The following SLC22A23 variants were observed in gnomAD, a reference collection of about 807,000 sequenced individuals.
SLC22A23 encodes the protein ion transporter protein.
Under a neutral mutation model 61.0 loss-of-function variants are expected in SLC22A23, and 26 were observed. The observed-to-expected ratio is 0.43, with a 90% CI of 0.31 to 0.59. The LOEUF (loss-of-function observed/expected upper bound fraction) is 0.59, where lower values mean the gene tolerates loss of function less well. Among genes scored for constraint, SLC22A23 ranks in the 20% least tolerant of loss-of-function variants. The probability of loss-of-function intolerance (pLI) is 0.11; values close to 1 mark genes in which losing one functional copy is unlikely to be tolerated. For missense variants in SLC22A23, 796 were observed against 934.7 expected (o/e 0.85, Z 1.94); for synonymous variants, 430 against 413.9 (o/e 1.04, Z -0.47).
intron 1 of SLC22A23, among the ~76,000 whole-genome samples, chr6:3,424,830 T>A (rs73720888): frequency 3.2e-3 from 482 of 152,362 alleles, no homozygotes; most frequent in African/African-American, 0.011. Flanking sequence ...AGAGCCCACA[T>A]GGCCTGCAAA....
chr6:3,441,283 C>T (rs1771577096), intron 1 of SLC22A23, among the ~76,000 whole-genome samples: 1 of 152,142 alleles, frequency 6.6e-6, no homozygotes, highest in Non-Finnish European at 1.5e-5. Flanking sequence ...GAGCCCTTCT[C>T]TCCTGGATCT....
chr6:3,451,241 G>A (rs1011988712), intron 1 of SLC22A23, among the ~76,000 whole-genome samples: 14 of 152,214 alleles, frequency 9.2e-5, no homozygotes, highest in South Asian at 6.2e-4. Flanking sequence ...TCTGTCGCCC[G>A]GACTGGAGTG....
At chr6:3,453,132 G>A (rs1218567996) in intron 1 of SLC22A23, among the ~76,000 whole-genome samples, 1 of 152,178 alleles carries the variant, frequency 6.6e-6, no homozygotes, top group African/African-American at 2.4e-5. Context: ...AGACACACAT[G>A]CCAACCAGAG....
intron 3 of SLC22A23, among the ~76,000 whole-genome samples, chr6:3,373,058 T>C (rs1766329485): frequency 6.6e-6 from 1 of 152,230 alleles, no homozygotes; most frequent in Non-Finnish European, 1.5e-5. Flanking sequence ...GGGTTAACAC[T>C]GTCCCCTAAC....
intron 9 of SLC22A23, among the ~76,000 whole-genome samples, chr6:3,275,527 C>T (rs1389204417): frequency 6.6e-6 from 1 of 152,132 alleles, no homozygotes; most frequent in Non-Finnish European, 1.5e-5. Flanking sequence ...GAAAAAAAGA[C>T]CATAGACTGG....
intron 3 of SLC22A23, among the ~76,000 whole-genome samples, chr6:3,344,004 G>A (rs1019694279): frequency 2.0e-5 from 3 of 152,192 alleles, no homozygotes; most frequent in Non-Finnish European, 4.4e-5. Context: ...AATGGTACAC[G>A]AATTAGAATC....
intron 9 of SLC22A23, among the ~76,000 whole-genome samples, chr6:3,281,996 T>G (rs1759512474): frequency 6.6e-6 from 1 of 152,166 alleles, no homozygotes; most frequent in Non-Finnish European, 1.5e-5. Context: ...CTTACAGCAT[T>G]TCCTTCCGTC....
At chr6:3,426,828 C>T (rs1770524482) in intron 1 of SLC22A23, among the ~76,000 whole-genome samples, 1 of 152,240 alleles carries the variant, frequency 6.6e-6, no homozygotes, top group East Asian at 1.9e-4. Context: ...CAAAGTTACT[C>T]AACTATAGTA....
At chr6:3,373,994 C>T (rs572477491) in intron 3 of SLC22A23, among the ~76,000 whole-genome samples, 1 of 152,302 alleles carries the variant, frequency 6.6e-6, no homozygotes, top group South Asian at 2.1e-4. Flanking sequence ...GATGAGGAAG[C>T]TGAGCACAAA....
At chr6:3,448,467 C>G (rs1772017974) in intron 1 of SLC22A23, among the ~76,000 whole-genome samples, 1 of 151,594 alleles carries the variant, frequency 6.6e-6, no homozygotes, top group Admixed American at 6.6e-5. Context: ...GACAAAGATT[C>G]AGAAAGTCCA....
chr6:3,305,529 G>T (rs1761914475), intron 4 of SLC22A23, among the ~76,000 whole-genome samples: 1 of 152,232 alleles, frequency 6.6e-6, no homozygotes, highest in Admixed American at 6.5e-5. Flanking sequence ...AACAAGCCCA[G>T]AGATGGTTGT....
rs577046343 is a variant in SLC22A23, at chr6:3,314,029, C to CA, written c.1082+9804dup. Among the ~76,000 whole-genome samples the CA allele has an allele frequency of 7.2e-3, 1,093 of 151,998 alleles. 14 individuals carry two copies. Among genetic ancestry groups the CA allele is most frequent in the African/African-American group, 0.025 (1,057 of 41,468 alleles). On this transcript the variant is annotated intron_variant, in intron 4 of 9. Transcript: ENST00000406686. ...GCGCAATAAGAGCAGAACTCTGTCTCAAAAAAAATTCTTAAATGGTCTTTT... is the reference window on the plus strand; with the variant it reads ...GCGCAATAAGAGCAGAACTCTGTCTCAAAAAAAAATTCTTAAATGGTCTTTT...
At chr6:3,439,356 T>C (rs1288406908) in intron 1 of SLC22A23, 2 of 397,992 alleles carry the variant, frequency 5.0e-6, no homozygotes, top group Non-Finnish European at 1.0e-5. Flanking sequence ...CCTACAGGCA[T>C]TTCTGAAAGT....
Position 3,323,925 on chromosome 6 carries a change from G to A in SLC22A23, c.991C>T (p.Leu331Phe), listed in dbSNP as rs372180989. Reference protein sequence around the residue: ...ASFVAMAGQFLMPGLAALCRD... With the variant: ...ASFVAMAGQFFMPGLAALCRD... ...CACAGGGCGGCTAGCCCAGGCATGA[G>A]GAACTGGCCCGCCATGGCCACGAAG... Residue 331 changes from leucine to phenylalanine, a missense_variant, in exon 4 of 10, where the codon CTC (leucine) becomes TTC (phenylalanine). Physicochemically the swap from Leu to Phe is conservative, Grantham distance 22. Coordinates refer to ENST00000406686, the MANE Select transcript of SLC22A23 (RefSeq NM_015482.2). 1 of 1,614,214 alleles carries A rather than the reference G, an allele frequency of 6.2e-7. No individual in the cohort carries two copies. Among genetic ancestry groups the A allele is most frequent in the Non-Finnish European group, 8.5e-7 (1 of 1,180,044 alleles).
chr6:3,290,494 A>G (rs1317456742), intron 5 of SLC22A23: 1 of 154,030 alleles, frequency 6.5e-6, no homozygotes, highest in Non-Finnish European at 1.5e-5. Context: ...ACGCATGCAT[A>G]TACGTGTGCA....
rs577081949 is a variant in SLC22A23, at chr6:3,322,554, C to T, written c.1082+1280G>A. Among the ~76,000 whole-genome samples, 15 of 152,312 alleles carry T rather than the reference C, an allele frequency of 9.8e-5. No homozygotes were observed. In the South Asian group the frequency reaches 1.9e-3, roughly 19 times the overall value. On this transcript the variant is annotated intron_variant, in intron 4 of 9. Transcript: ENST00000406686. The surrounding 1 kb of genome is among the most constrained non-coding windows in gnomAD (Gnocchi z 4.1). ...CAGGAGAGGAGCTCAGTTCGGGCAG[C>T]GGTGGCTGCTGAGTGGCCTCTCTGG...
Position 3,343,568 on chromosome 6 carries a change from A to G in SLC22A23, c.914-19566T>C, listed in dbSNP as rs900795196. 5.3e-5 allele frequency among the ~76,000 whole-genome samples: 8 copies of G among 152,294 alleles called. No individual in the cohort carries two copies. The East Asian group carries it at 1.5e-3, about 29-fold the overall frequency. ...ACTAGCACAATTTATCACCATGACCATTAATGAGACCAGCTCTTAACAAGC... is the reference window on the plus strand; with the variant it reads ...ACTAGCACAATTTATCACCATGACCGTTAATGAGACCAGCTCTTAACAAGC... On this transcript the variant is annotated intron_variant, in intron 3 of 9. Transcript: ENST00000406686.
At chr6:3,370,205 C>A (rs974194809) in intron 3 of SLC22A23, among the ~76,000 whole-genome samples, 2 of 152,008 alleles carry the variant, frequency 1.3e-5, no homozygotes, top group Non-Finnish European at 2.9e-5. Context: ...GTTAGCCATA[C>A]GTAGGAAGGC....
intron 9 of SLC22A23, among the ~76,000 whole-genome samples, chr6:3,279,416 CAGG>C (rs1343161696): frequency 3.5e-5 from 5 of 142,812 alleles, no homozygotes; most frequent in African/African-American, 1.0e-4. Flanking sequence ...GAGGCTGAGG[CAGG>C]AGAATCACTT....
Sources: allele counts gnomAD v4.1 joint callset (sites outside exome capture counted in the v4.1 genomes callset), GRCh38; gene constraint gnomAD v4.1.1; non-coding constraint Gnocchi (gnomAD v3.1); transcripts MANE v1.5; gene names NCBI Gene and HGNC (gene_info 2026-07-23, HGNC 2026-07-21).